Variants in UVRAG observed in about 807,000 individuals in gnomAD.
UVRAG encodes the protein UV radiation resistance-associated gene protein.
UVRAG carries 19 observed loss-of-function variants against 78.0 expected under a neutral mutation model. The observed-to-expected ratio is 0.24, with a 90% CI of 0.17 to 0.36. The LOEUF (loss-of-function observed/expected upper bound fraction) is 0.36, where lower values mean the gene tolerates loss of function less well. Ranked by LOEUF, UVRAG falls within the 10% of genes least tolerant of loss-of-function variation. UVRAG has a pLI of 1.00. For synonymous variants in UVRAG, 323 were observed against 324.6 expected (o/e 1.00, Z 0.05); for missense variants, 740 against 853.8 (o/e 0.87, Z 1.66).
intron 12 of UVRAG, among the ~76,000 whole-genome samples, chr11:76,028,513 A>C (rs1950373199): frequency 6.6e-6 from 1 of 152,202 alleles, no homozygotes; most frequent in Admixed American, 6.6e-5. Flanking sequence ...TTGTAAATTC[A>C]AAGGAAAAGT....
intron 10 of UVRAG, among the ~76,000 whole-genome samples, 160 bp from the exon 11 acceptor site, chr11:76,008,647 T>C (rs978542865): frequency 2.6e-5 from 4 of 152,062 alleles, no homozygotes; most frequent in African/African-American, 4.8e-5. Flanking sequence ...AGGGAGAGAG[T>C]AGAATGAATC....
intron 2 of UVRAG, among the ~76,000 whole-genome samples, chr11:75,857,050 A>T (rs993070028): frequency 3.2e-4 from 48 of 152,168 alleles, no homozygotes; most frequent in African/African-American, 1.1e-3. Flanking sequence ...ATATATCCAT[A>T]ACCTAATCAC....
intron 12 of UVRAG, among the ~76,000 whole-genome samples, chr11:76,054,745 T>C (rs544818860): frequency 2.6e-5 from 4 of 152,174 alleles, no homozygotes; most frequent in African/African-American, 7.2e-5. Context: ...CCTCCTCTTA[T>C]TTGTCATGTC....
chr11:75,939,308 T>A (rs572156965), intron 6 of UVRAG, among the ~76,000 whole-genome samples: 1 of 152,306 alleles, frequency 6.6e-6, no homozygotes, highest in Non-Finnish European at 1.5e-5. Flanking sequence ...CTCTTTGTTC[T>A]TGTTGAAACT....
At chr11:76,126,095 G>A (rs1275997676) in intron 14 of UVRAG, among the ~76,000 whole-genome samples, 1 of 150,528 alleles carries the variant, frequency 6.6e-6, no homozygotes, top group Admixed American at 6.6e-5. Flanking sequence ...GACCACAGGC[G>A]CATGCCACCT....
chr11:76,041,897 G>A (rs950703122), intron 12 of UVRAG, among the ~76,000 whole-genome samples: 2 of 152,204 alleles, frequency 1.3e-5, no homozygotes, highest in Admixed American at 1.3e-4. Flanking sequence ...CACAAAAGCA[G>A]TATGAGATTA....
At chr11:75,909,850 T>G (rs1263704579) in intron 5 of UVRAG, among the ~76,000 whole-genome samples, 1 of 152,252 alleles carries the variant, frequency 6.6e-6, no homozygotes, top group Admixed American at 6.5e-5. Context: ...TATTGGTGTA[T>G]AATTTCCTTT....
At chr11:75,984,965 C>T (rs755676690) in intron 8 of UVRAG, among the ~76,000 whole-genome samples, 1 of 152,044 alleles carries the variant, frequency 6.6e-6, no homozygotes, top group Admixed American at 6.6e-5. Context: ...AACTTTCATA[C>T]GTTTCTTAAT....
At chr11:75,952,503 T>A (rs1948722973) in intron 6 of UVRAG, among the ~76,000 whole-genome samples, 1 of 152,032 alleles carries the variant, frequency 6.6e-6, no homozygotes, top group Non-Finnish European at 1.5e-5. Flanking sequence ...GCTTCTTTTT[T>A]TGAATCTTTT....
intron 12 of UVRAG, among the ~76,000 whole-genome samples, chr11:76,044,996 A>G (rs1219449067): frequency 2.0e-5 from 3 of 152,154 alleles, no homozygotes; most frequent in African/African-American, 4.8e-5. Context: ...AAGTCCAGAA[A>G]GTCTCAGAAT....
intron 13 of UVRAG, among the ~76,000 whole-genome samples, chr11:76,091,830 T>C (rs924981332): frequency 6.6e-6 from 1 of 151,960 alleles, no homozygotes; most frequent in Non-Finnish European, 1.5e-5. Flanking sequence ...TACCCGATTG[T>C]ATATTTGTTT....
chr11:75,863,322 G>A (rs1946463666), intron 3 of UVRAG, among the ~76,000 whole-genome samples: 1 of 152,154 alleles, frequency 6.6e-6, no homozygotes, highest in Non-Finnish European at 1.5e-5. Flanking sequence ...TTGCTCAGGT[G>A]GAAACAGAAA....
At chr11:76,108,415 G>A (rs1447166711) in intron 13 of UVRAG, among the ~76,000 whole-genome samples, 2 of 152,186 alleles carry the variant, frequency 1.3e-5, no homozygotes, top group Non-Finnish European at 2.9e-5. Context: ...ATCATACTAC[G>A]TTTTAAATGT....
chr11:75,900,495 G>A (rs868075398), intron 5 of UVRAG, among the ~76,000 whole-genome samples: 1 of 152,086 alleles, frequency 6.6e-6, no homozygotes, highest in African/African-American at 2.4e-5. Flanking sequence ...TCCTATTAGG[G>A]TGTATGCTCC....
At chr11:76,058,152 T>G (rs539581933) in intron 12 of UVRAG, among the ~76,000 whole-genome samples, 7 of 152,264 alleles carry the variant, frequency 4.6e-5, no homozygotes, top group African/African-American at 1.7e-4. Context: ...TCTGAACCCC[T>G]AAGCATACCA....
intron 12 of UVRAG, among the ~76,000 whole-genome samples, chr11:76,026,670 C>G (rs368819634): frequency 2.8e-4 from 43 of 152,206 alleles, no homozygotes; most frequent in African/African-American, 1.0e-3. Flanking sequence ...GACCCAGACC[C>G]TAAACCTTTA....
rs890082235 is a variant in UVRAG at position 75,897,383 on chromosome 11, G to T, written c.507+8480G>T. ...CTAATTAGCTGGATAACACCGCAGG[G>T]AATATTAGTTATCTAGCCCAACACT... On this transcript the variant is annotated intron_variant, in intron 5 of 14. Transcript: ENST00000356136. Among the ~76,000 whole-genome samples, 6 of 152,180 alleles carry T rather than the reference G, an allele frequency of 3.9e-5. No homozygotes were observed. The East Asian group carries it at 1.2e-3, about 29-fold the overall frequency.
chr11:75,819,368 A>AG (rs769171133), intron 1 of UVRAG, among the ~76,000 whole-genome samples: 4 of 151,496 alleles, frequency 2.6e-5, no homozygotes, highest in Non-Finnish European at 4.4e-5. Flanking sequence ...TTGATTTTTG[A>AG]GACAGTTTTA....
chr11:76,111,318 G>C (rs114733815), intron 13 of UVRAG, among the ~76,000 whole-genome samples: 1 of 152,126 alleles, frequency 6.6e-6, no homozygotes, highest in African/African-American at 2.4e-5. Flanking sequence ...TGGTGGTACC[G>C]AGTATCTCAT....
Sources: gnomAD v4.1 joint callset for allele counts (sites outside exome capture counted in the v4.1 genomes callset) on GRCh38, gnomAD v4.1.1 for gene constraint, MANE v1.5 for transcripts, NCBI Gene and HGNC (gene_info 2026-07-23, HGNC 2026-07-21) for gene names.